The following LRRC37B variants were observed in gnomAD, a reference collection of about 807,000 sequenced individuals.
LRRC37B encodes leucine-rich repeat-containing protein 37B.
A neutral mutation model predicts 98.3 loss-of-function variants in LRRC37B; 28 were observed. The ratio of observed to expected loss-of-function variants is 0.28; its 90% CI spans 0.21 to 0.39. LRRC37B has a LOEUF of 0.39. Among genes scored for constraint, LRRC37B ranks in the 10% least tolerant of loss-of-function variants. LRRC37B has a pLI of 1.00. For synonymous variants in LRRC37B, 364 were observed against 442.7 expected (o/e 0.82, Z 2.23); for missense variants, 938 against 1,182.7 (o/e 0.79, Z 3.03).
intron 9 of LRRC37B, 182 bp downstream of exon 12, chr17:32,048,083 C>A: frequency 9.0e-7 from 1 of 1,112,606 alleles, no homozygotes; most frequent in Non-Finnish European, 1.3e-6. Flanking sequence ...ATAGAAAGAG[C>A]CCCTCACAGT....
intron 7 of LRRC37B, chr17:32,042,481 C>A (rs1207693844): frequency 6.4e-6 from 1 of 156,512 alleles, no homozygotes; most frequent in African/African-American, 2.4e-5. Flanking sequence ...TGCCACCCCA[C>A]CCTGTGGGAA....
At chr17:32,030,907 G>C (rs1308455133) in intron 4 of LRRC37B, among the ~76,000 whole-genome samples, 180 bp downstream of exon 7, 4 of 152,098 alleles carry the variant, frequency 2.6e-5, no homozygotes, top group African/African-American at 7.2e-5. Context: ...ACAGATCATA[G>C]TGAATCATCA....
At chr17:32,050,103 T>C (rs756390642) in exon 11 of LRRC37B, 7 of 1,437,474 alleles carry the variant, frequency 4.9e-6, no homozygotes, top group East Asian at 2.3e-5. Context: ...TTTTGTCTTA[T>C]AGAGGTAAGG....
intron 2 of LRRC37B, among the ~76,000 whole-genome samples, chr17:32,027,392 CAT>C (rs1491538012): frequency 2.2e-5 from 3 of 136,806 alleles, no homozygotes; most frequent in Non-Finnish European, 4.7e-5. Context: ...TGTGTGCTTG[CAT>C]GTGTGTGTGT....
intron 1 of LRRC37B, among the ~76,000 whole-genome samples, chr17:32,008,434 T>C (rs926939601): frequency 6.6e-6 from 1 of 150,462 alleles, no homozygotes; most frequent in African/African-American, 2.4e-5. Context: ...CCGGGCAGGA[T>C]TGAAACTTTG....
At chr17:32,012,744 C>T (rs1208776891) in intron 1 of LRRC37B, among the ~76,000 whole-genome samples, 10 of 118,794 alleles carry the variant, frequency 8.4e-5, no homozygotes, top group Admixed American at 1.7e-4. Flanking sequence ...AGGCCAGGTG[C>T]GGTGCCTCAC....
At chr17:32,015,036 A>G (rs953756161) in intron 1 of LRRC37B, among the ~76,000 whole-genome samples, 1 of 152,182 alleles carries the variant, frequency 6.6e-6, no homozygotes, top group African/African-American at 2.4e-5. Context: ...GGAGTGAGGC[A>G]GGCAAGTGGC....
chr17:32,035,674 G>C (rs1470672077), intron 7 of LRRC37B, 35 bp downstream of exon 10: 2 of 1,571,860 alleles, frequency 1.3e-6, no homozygotes, highest in Non-Finnish European at 1.7e-6. Flanking sequence ...TTTTTACTTA[G>C]TTGGTTTTTT....
Position 32,012,526 on chromosome 17 carries a change from G to A in LRRC37B, c.-191+4394G>A, listed in dbSNP as rs535544821. Reference sequence around the variant, plus strand: ...GAGGTCAGGAGTTCAAGACCAGACCGGCCAACATGGCGAAACCCCGTCTCT... The same window carrying A: ...GAGGTCAGGAGTTCAAGACCAGACCAGCCAACATGGCGAAACCCCGTCTCT... On this transcript the variant is annotated intron_variant, in intron 1 of 14. Transcript: ENST00000543378. Among the ~76,000 whole-genome samples, 10 of 151,652 alleles carry A rather than the reference G, an allele frequency of 6.6e-5. No individual in the cohort carries two copies. The South Asian group carries it at 1.0e-3, about 16-fold the overall frequency.
At chr17:32,023,360 C>T (rs1466985391) in intron 1 of LRRC37B, among the ~76,000 whole-genome samples, 3 of 152,156 alleles carry the variant, frequency 2.0e-5, no homozygotes, top group Admixed American at 6.5e-5. Flanking sequence ...TGACCTCAGG[C>T]GATCCACCCA....
At chr17:32,024,822 C>T (rs1253327770) in intron 2 of LRRC37B, 40 bp downstream of exon 5, 2 of 1,592,144 alleles carry the variant, frequency 1.3e-6, no homozygotes, top group African/African-American at 2.7e-5. Context: ...AAACTAACTG[C>T]ATTGTAAGAT....
chr17:32,042,660 C>A (rs532855099), intron 7 of LRRC37B: 1 of 152,732 alleles, frequency 6.5e-6, no homozygotes, highest in Non-Finnish European at 1.5e-5. Context: ...TTCCCTTCCC[C>A]CTGAGGCCCA....
At chr17:32,023,270 C>T (rs1479760192) in intron 1 of LRRC37B, among the ~76,000 whole-genome samples, 2 of 152,084 alleles carry the variant, frequency 1.3e-5, no homozygotes, top group African/African-American at 2.4e-5. Flanking sequence ...TACAGGCATG[C>T]GCCACCACAC....
intron 1 of LRRC37B, among the ~76,000 whole-genome samples, chr17:32,023,886 A>G (rs1417238174): frequency 6.6e-6 from 1 of 152,142 alleles, no homozygotes. Context: ...TTAATTCCTG[A>G]AAGATAATGC....
At chr17:32,044,949 A>G (rs1047985054) in intron 7 of LRRC37B, among the ~76,000 whole-genome samples, 3 of 152,228 alleles carry the variant, frequency 2.0e-5, no homozygotes, top group African/African-American at 7.2e-5. Context: ...GTGGGGTGGT[A>G]CTTTGAGATC....
chr17:32,022,252 C>A lies in LRRC37B; in HGVS notation c.1187C>A (p.Ala396Asp), dbSNP rs750542201. The change falls in exon 1 of 12, where the codon GCC becomes GAC. Residue 396 changes from alanine to aspartate, a missense_variant. By Grantham distance (126) the Ala-to-Asp change is moderately radical (BLOSUM62 -2). Around this residue, in one of 2 missense-constraint regions of LRRC37B, gnomAD observed 610 missense variants for 625.6 expected, o/e 0.98. Coordinates refer to ENST00000327564, the Ensembl canonical transcript of LRRC37B. ...GAATCTACCCAAGCCCAGCAGGAGG[C>A]CCCAATTCAGCCTCCCGAGGAGGCG... is the stretch of plus-strand genomic sequence containing the variant. 4 of 1,613,920 alleles carry A rather than the reference C, an allele frequency of 2.5e-6. No homozygotes were observed. In the South Asian group the frequency reaches 4.4e-5, roughly 18 times the overall value.
upstream of LRRC37B, among the ~76,000 whole-genome samples, chr17:32,016,722 C>G (rs976371227): frequency 7.2e-5 from 11 of 152,198 alleles, no homozygotes; most frequent in Non-Finnish European, 1.5e-5. Flanking sequence ...TGCACCTCCA[C>G]TTCAGTTTTA....
chr17:32,031,859 A>T (rs551039), intron 5 of LRRC37B, among the ~76,000 whole-genome samples: 379 of 151,990 alleles, frequency 2.5e-3, no homozygotes, highest in African/African-American at 5.1e-3. Flanking sequence ...CAAAAAAATT[A>T]GCTGGGCGTA....
intron 8 of LRRC37B, 140 bp from the exon 12 acceptor site, chr17:32,047,621 G>C: frequency 8.1e-7 from 1 of 1,233,702 alleles, no homozygotes; most frequent in Non-Finnish European, 1.2e-6. Flanking sequence ...TTAGGTTTGG[G>C]TGTATGTTTC....
Sources: gnomAD v4.1 joint callset for allele counts (sites outside exome capture counted in the v4.1 genomes callset) on GRCh38, gnomAD v4.1.1 for gene constraint, gnomAD v4.1.1 regional missense constraint, MANE v1.5 for transcripts, NCBI Gene and HGNC (gene_info 2026-07-23, HGNC 2026-07-21) for gene names.